The following ANO3 variants were observed in gnomAD, a reference collection of about 807,000 sequenced individuals.
ANO3 encodes the protein anoctamin 3.
Under a neutral mutation model 144.8 loss-of-function variants are expected in ANO3, and 99 were observed. The observed-to-expected ratio is 0.68, with a 90% CI of 0.58 to 0.81. ANO3 has a LOEUF of 0.81. Ranked by LOEUF, ANO3 falls within the 30% of genes least tolerant of loss-of-function variation. The pLI is 0.00. For missense variants in ANO3, 905 were observed against 1,202.2 expected (o/e 0.75, Z 3.66); for synonymous variants, 414 against 392.6 (o/e 1.05, Z -0.64).
intron 1 of ANO3, among the ~76,000 whole-genome samples, chr11:26,359,054 GATTA>G (rs1014771623): frequency 3.3e-5 from 5 of 152,012 alleles, no homozygotes; most frequent in African/African-American, 7.2e-5. Context: ...GTTCAACTTT[GATTA>G]ATTATCTTGT....
At chr11:26,410,719 A>G (rs1298657006) in intron 1 of ANO3, among the ~76,000 whole-genome samples, 1 of 152,016 alleles carries the variant, frequency 6.6e-6, no homozygotes, top group Non-Finnish European at 1.5e-5. Context: ...GAACCTTAAG[A>G]AGGCAGATTT....
intron 1 of ANO3, among the ~76,000 whole-genome samples, chr11:26,426,312 C>T (rs1590349068): frequency 6.6e-6 from 1 of 152,044 alleles, no homozygotes; most frequent in African/African-American, 2.4e-5. Context: ...GTTATAGTAT[C>T]TGGAGTTGGC....
chr11:26,420,499 C>T (rs1219589314), intron 1 of ANO3, among the ~76,000 whole-genome samples: 1 of 151,944 alleles, frequency 6.6e-6, no homozygotes, highest in Non-Finnish European at 1.5e-5. Context: ...TTAGGTTTGA[C>T]CAGTGGGAGA....
chr11:26,375,479 A>G (rs1856379993), intron 1 of ANO3, among the ~76,000 whole-genome samples: 1 of 152,182 alleles, frequency 6.6e-6, no homozygotes, highest in Non-Finnish European at 1.5e-5. Context: ...CTCAATAAAT[A>G]TTTGGCATTT....
chr11:26,365,041 T>C (rs917442362), intron 1 of ANO3, among the ~76,000 whole-genome samples: 1 of 152,118 alleles, frequency 6.6e-6, no homozygotes, highest in African/African-American at 2.4e-5. Flanking sequence ...CAAGATACAA[T>C]GGGGGTATTG....
At chr11:26,581,570 T>A (rs1851132296) in intron 14 of ANO3, among the ~76,000 whole-genome samples, 1 of 151,202 alleles carries the variant, frequency 6.6e-6, no homozygotes. Flanking sequence ...GTGCCTGTAG[T>A]CCCAGCTATG....
intron 1 of ANO3, among the ~76,000 whole-genome samples, chr11:26,236,178 T>C (rs1249271014): frequency 6.6e-6 from 1 of 152,114 alleles, no homozygotes. Flanking sequence ...TCAAGTTGCT[T>C]TCAAAATTTC....
intron 3 of ANO3, among the ~76,000 whole-genome samples, chr11:26,450,134 T>TA (rs1255517700): frequency 6.6e-6 from 1 of 152,162 alleles, no homozygotes; most frequent in African/African-American, 2.4e-5. Flanking sequence ...TCCTTTCTAT[T>TA]ATAGCACTTT....
intron 13 of ANO3, among the ~76,000 whole-genome samples, chr11:26,553,943 G>A (rs1364603525): frequency 6.6e-6 from 1 of 152,052 alleles, no homozygotes; most frequent in Non-Finnish European, 1.5e-5. Context: ...TTTTATAGAA[G>A]TGTAATTAAC....
chr11:26,502,897 T>C (rs1345098216), intron 4 of ANO3, among the ~76,000 whole-genome samples: 1 of 150,198 alleles, frequency 6.7e-6, no homozygotes, highest in Non-Finnish European at 1.5e-5. Flanking sequence ...AAGCAGTTAC[T>C]GCTCTAATCT....
At chr11:26,190,042 T>C (rs1242631436) in intron 1 of ANO3, among the ~76,000 whole-genome samples, 1 of 152,150 alleles carries the variant, frequency 6.6e-6, no homozygotes, top group African/African-American at 2.4e-5. Context: ...TTGTAAAAAA[T>C]GTTTGCCTGA....
chr11:26,395,716 T>C (rs914940088), intron 1 of ANO3, among the ~76,000 whole-genome samples: 6 of 146,386 alleles, frequency 4.1e-5, no homozygotes, highest in Non-Finnish European at 9.0e-5. Flanking sequence ...ATTTAATAAA[T>C]GGTGTTGGGA....
chr11:26,588,608 G>T (rs1851355877), intron 14 of ANO3, among the ~76,000 whole-genome samples: 1 of 152,138 alleles, frequency 6.6e-6, no homozygotes, highest in South Asian at 2.1e-4. Flanking sequence ...TCAAGTATAT[G>T]CTGGAAATAT....
intron 1 of ANO3, among the ~76,000 whole-genome samples, chr11:26,251,648 A>T (rs992552805): frequency 6.6e-6 from 1 of 152,228 alleles, no homozygotes; most frequent in African/African-American, 2.4e-5. Context: ...AAGACTGGGT[A>T]ATTTATAAAG....
rs757843636 is a variant in ANO3, at chr11:26,542,072, C to T, written c.1154+4C>T. 3 of 1,605,846 alleles carry T rather than the reference C, an allele frequency of 1.9e-6. No homozygotes were observed. The highest frequency in any genetic ancestry group is 2.5e-6 in the Non-Finnish European group (3 of 1,176,830). ...ATCAGCCTCTGGATTTAATCAGGTA[C>T]TGCAAATGGAACAATAATGAAAAGC... is the stretch of plus-strand genomic sequence containing the variant. On this transcript the variant is annotated splice_donor_region_variant and intron_variant, in intron 11 of 26. Coordinates refer to ENST00000256737, the MANE Select transcript of ANO3 (RefSeq NM_031418.4).
chr11:26,241,085 G>A (rs1479335082), intron 1 of ANO3, among the ~76,000 whole-genome samples: 5 of 152,144 alleles, frequency 3.3e-5, no homozygotes, highest in South Asian at 2.1e-4. Flanking sequence ...TAAGTCTCAT[G>A]AGATCTCATG....
At chr11:26,308,903 G>A (rs1477842081), upstream of ANO3, among the ~76,000 whole-genome samples, 2 of 152,130 alleles carry the variant, frequency 1.3e-5, no homozygotes, top group Non-Finnish European at 2.9e-5. Flanking sequence ...TATTTTTACA[G>A]CATTTCAAGG....
intron 1 of ANO3, among the ~76,000 whole-genome samples, chr11:26,374,097 T>C (rs1349509043): frequency 6.6e-6 from 1 of 152,226 alleles, no homozygotes; most frequent in Admixed American, 6.5e-5. Flanking sequence ...CACAATGTCA[T>C]AGGTACTTGT....
Position 26,559,864 on chromosome 11 carries a change from A to G in ANO3, c.1447+85A>G, listed in dbSNP as rs1449216076. On this transcript the variant is annotated intron_variant, in intron 14 of 26. Coordinates refer to ENST00000256737, the MANE Select transcript of ANO3 (RefSeq NM_031418.4). ...CACACACACACACACACACACACACACACACACACACCATGAATCAATTCA... is the reference window on the plus strand; with the variant it reads ...CACACACACACACACACACACACACGCACACACACACCATGAATCAATTCA... The G allele has an allele frequency of 8.8e-6, 8 of 909,634 alleles. No homozygotes were observed. The African/African-American group carries it at 9.8e-5, about 11-fold the overall frequency. 56.3% of individuals were successfully genotyped at this position (909,634 alleles called of 1,614,324 possible).
Sources: allele counts gnomAD v4.1 joint callset (sites outside exome capture counted in the v4.1 genomes callset), GRCh38; gene constraint gnomAD v4.1.1; transcripts MANE v1.5; gene names NCBI Gene and HGNC (gene_info 2026-07-23, HGNC 2026-07-21).